EPB41L4A: variants seen among roughly 807,000 people sequenced by gnomAD.
EPB41L4A encodes erythrocyte membrane protein band 4.1 like 4A, also known as band 4.1-like protein 4A.
EPB41L4A carries 100 observed loss-of-function variants against 108.6 expected under a neutral mutation model. The observed-to-expected ratio is 0.92, with a 90% CI of 0.78 to 1.09. The LOEUF (loss-of-function observed/expected upper bound fraction) is 1.09, where lower values mean the gene tolerates loss of function less well. EPB41L4A is among the 50% of genes least tolerant of loss of function. The pLI is 0.00. For missense variants in EPB41L4A, 1,030 were observed against 842.7 expected, an observed-to-expected ratio of 1.22 and a Z score of -2.75; for synonymous variants, 319 against 289.0, an observed-to-expected ratio of 1.10 and a Z score of -1.05.
intron 17 of EPB41L4A, among the ~76,000 whole-genome samples, chr5:112,193,225 C>T (rs542791429): frequency 2.6e-5 from 4 of 152,316 alleles, no homozygotes; most frequent in South Asian, 2.1e-4. Context: ...TTGTGCCAAG[C>T]GCAAGGGTTC....
intron 13 of EPB41L4A, among the ~76,000 whole-genome samples, chr5:112,145,068 T>C (rs776664298): frequency 3.3e-5 from 5 of 152,202 alleles, no homozygotes; most frequent in Non-Finnish European, 7.3e-5. Flanking sequence ...GGTGGGCGTA[T>C]CACTTGAGGT....
chr5:112,185,277 A>T, intron 17 of EPB41L4A, among the ~76,000 whole-genome samples: 1 of 152,214 alleles, frequency 6.6e-6, no homozygotes, highest in African/African-American at 2.4e-5. Flanking sequence ...AGACAAAAGT[A>T]AAAAGAACAG....
chr5:112,200,570 G>A (rs1368597421), intron 15 of EPB41L4A, among the ~76,000 whole-genome samples: 2 of 152,124 alleles, frequency 1.3e-5, no homozygotes, highest in Non-Finnish European at 2.9e-5. Flanking sequence ...TCTAATGGCA[G>A]CAGCACACTG....
At chr5:112,397,814 G>C (rs972085120) in intron 1 of EPB41L4A, among the ~76,000 whole-genome samples, 1 of 152,052 alleles carries the variant, frequency 6.6e-6, no homozygotes, top group Non-Finnish European at 1.5e-5. Flanking sequence ...AGAGAGTCAG[G>C]GACTAAGTAA....
At chr5:112,340,261 T>C (rs1757227867) in intron 1 of EPB41L4A, among the ~76,000 whole-genome samples, 1 of 152,222 alleles carries the variant, frequency 6.6e-6, no homozygotes, top group South Asian at 2.1e-4. Flanking sequence ...ACAGTGGTTC[T>C]TAAAACTTTA....
intron 17 of EPB41L4A, among the ~76,000 whole-genome samples, chr5:112,185,964 A>C (rs1001534270): frequency 9.9e-5 from 15 of 152,104 alleles, no homozygotes; most frequent in African/African-American, 3.6e-4. Flanking sequence ...GGACACCCCC[A>C]GGACTGAGGG....
chr5:112,181,400 C>T (rs976136417), intron 18 of EPB41L4A, among the ~76,000 whole-genome samples: 2 of 151,742 alleles, frequency 1.3e-5, no homozygotes, highest in East Asian at 1.9e-4. Context: ...TGCAGTGAGC[C>T]GAGACTGGCC....
intron 9 of EPB41L4A, among the ~76,000 whole-genome samples, chr5:112,244,950 T>C (rs1051242837): frequency 1.1e-4 from 17 of 152,126 alleles, no homozygotes; most frequent in African/African-American, 3.6e-4. Flanking sequence ...ATGAAAAAGT[T>C]TGAAATACTA....
intron 12 of EPB41L4A, among the ~76,000 whole-genome samples, chr5:112,156,433 G>A (rs779151025): frequency 9.2e-5 from 14 of 152,132 alleles, no homozygotes; most frequent in Non-Finnish European, 1.3e-4. Flanking sequence ...GAGAACTGAG[G>A]GCAGAAGATT....
chr5:112,229,210 GT>G (rs1000664449), intron 12 of EPB41L4A, among the ~76,000 whole-genome samples: 15 of 151,686 alleles, frequency 9.9e-5, no homozygotes, highest in African/African-American at 3.1e-4. Flanking sequence ...AATGTTTTGT[GT>G]TTTTTTTGAA....
rs116823424 is a variant in EPB41L4A, at chr5:112,356,811, T to G, written c.100-49321A>C. On this transcript the variant is annotated intron_variant, in intron 1 of 22. Coordinates refer to ENST00000261486, the MANE Select transcript of EPB41L4A (RefSeq NM_022140.5). Reference sequence around the variant, plus strand: ...ATGGTGAAAAAGAAAAATCAAAGGCTGCAACCTCAGCATTTCTGGGGATGC... The same window carrying G: ...ATGGTGAAAAAGAAAAATCAAAGGCGGCAACCTCAGCATTTCTGGGGATGC... Among the ~76,000 whole-genome samples the G allele has an allele frequency of 3.1e-3, 468 of 152,340 alleles. 1 individual carries two copies. Among genetic ancestry groups the G allele is most frequent in the African/African-American group, 0.011 (444 of 41,576 alleles).
intron 9 of EPB41L4A, among the ~76,000 whole-genome samples, chr5:112,244,454 GAAGA>G (rs1750059871): frequency 6.6e-6 from 1 of 152,144 alleles, no homozygotes; most frequent in South Asian, 2.1e-4. Context: ...TTAATAGAGA[GAAGA>G]AAGGAGGGAG....
At chr5:112,202,345 T>C (rs934248215) in intron 15 of EPB41L4A, among the ~76,000 whole-genome samples, 1 of 152,168 alleles carries the variant, frequency 6.6e-6, no homozygotes, top group Non-Finnish European at 1.5e-5. Context: ...CTCTTTGCAT[T>C]CCTTCAGTCC....
In EPB41L4A at chr5:112,164,894, G is replaced by T; in HGVS notation, c.*96C>A. 8.1e-7 allele frequency: 1 copy of T among 1,230,250 alleles called. No homozygotes were observed. Among genetic ancestry groups the T allele is most frequent in the Non-Finnish European group, 1.1e-6 (1 of 910,020 alleles). 76.2% of individuals were successfully genotyped at this position (1,230,250 alleles called of 1,614,324 possible). On this transcript the variant is annotated 3_prime_UTR_variant, in exon 23 of 23. Coordinates refer to ENST00000261486, the MANE Select transcript of EPB41L4A (RefSeq NM_022140.5). ...TTCTCATGCTGAAGAAATACTTGCAGGTCTGAGATTTGAATTAAGATACCT... is the reference window on the plus strand; with the variant it reads ...TTCTCATGCTGAAGAAATACTTGCATGTCTGAGATTTGAATTAAGATACCT...
At chr5:112,147,954 G>C (rs991781264) in intron 12 of EPB41L4A, among the ~76,000 whole-genome samples, 13 of 151,146 alleles carry the variant, frequency 8.6e-5, no homozygotes, top group African/African-American at 1.2e-4. Flanking sequence ...CAGGAGAATT[G>C]CATGAACCCA....
chr5:112,205,324 G>A (rs779138929), intron 14 of EPB41L4A, 97 bp downstream of exon 14: 17 of 1,030,354 alleles, frequency 1.6e-5, no homozygotes, highest in Non-Finnish European at 2.5e-5. Flanking sequence ...AGCTAGCTGT[G>A]ATCAGCCACC....
At position 112,228,797 on chromosome 5, in the gene EPB41L4A, CTCT is replaced by C. The variant is rs986961772; in HGVS notation, c.1087+5834_1087+5836del. The C allele has an allele frequency of 3.1e-6, 3 of 957,598 alleles. No homozygotes were observed. The African/African-American group carries it at 5.3e-5, about 17-fold the overall frequency. 59.3% of individuals were successfully genotyped at this position (957,598 alleles called of 1,614,324 possible). A position where few individuals can be genotyped will look rare whatever the true frequency, so the allele number is the denominator to read the frequency against. On this transcript the variant is annotated intron_variant, in intron 12 of 22. Transcript: ENST00000261486. ...CCCTTTTCTGGCTTTACCCAAGCTCCTCTGAGGCAGTTTAGACTTGCAGGAATG... is the reference window on the plus strand; with the variant it reads ...CCCTTTTCTGGCTTTACCCAAGCTCCGAGGCAGTTTAGACTTGCAGGAATG...
chr5:112,271,302 A>C (rs1428568420), intron 4 of EPB41L4A, among the ~76,000 whole-genome samples: 8 of 152,248 alleles, frequency 5.3e-5, no homozygotes, highest in African/African-American at 1.7e-4. Context: ...GGTCTTTTCC[A>C]AATGTTTTAA....
intron 18 of EPB41L4A, chr5:112,175,239 G>C (rs1247815451): frequency 6.6e-6 from 1 of 152,174 alleles, no homozygotes; most frequent in Non-Finnish European, 1.5e-5. Flanking sequence ...CATTGTTTAC[G>C]CTTTAATACC....
Sources: gnomAD v4.1 joint callset for allele counts (sites outside exome capture counted in the v4.1 genomes callset) on GRCh38, gnomAD v4.1.1 for gene constraint, MANE v1.5 for transcripts, NCBI Gene and HGNC (gene_info 2026-07-23, HGNC 2026-07-21) for gene names.